Variants in PPEF2 observed in about 807,000 individuals in gnomAD.
The protein encoded by PPEF2 is serine/threonine-protein phosphatase with EF-hands 2.
In PPEF2, 84 loss-of-function variants were observed where a neutral mutation model predicts 84.7. That is an observed-to-expected ratio of 0.99 (90% confidence interval 0.83 to 1.19). The LOEUF (loss-of-function observed/expected upper bound fraction) is 1.19, where lower values mean the gene tolerates loss of function less well. Among genes scored for constraint, PPEF2 ranks in the 50% most tolerant of loss-of-function variants. The pLI, the probability that PPEF2 is intolerant of heterozygous loss-of-function variation, is 0.00. For missense variants in PPEF2, 924 were observed against 937.5 expected (o/e 0.99, Z 0.19); for synonymous variants, 346 against 345.2 (o/e 1.00, Z -0.03).
At chr4:75,872,246 A>C in intron 12 of PPEF2, 79 bp from the exon 13 acceptor site, 2 of 1,357,128 alleles carry the variant, frequency 1.5e-6, no homozygotes, top group Non-Finnish European at 2.0e-6. Context: ...GGCCCAACTC[A>C]ACTGCAGAAG....
intron 13 of PPEF2, among the ~76,000 whole-genome samples, chr4:75,870,771 CAA>C (rs1190062669): frequency 1.3e-5 from 2 of 152,108 alleles, no homozygotes; most frequent in Non-Finnish European, 2.9e-5. Context: ...AAATTAATAA[CAA>C]TATCTGTTGC....
rs530171165 is a variant in PPEF2 at position 75,868,184 on chromosome 4, C to T, written c.1650-765G>A. Among the ~76,000 whole-genome samples the T allele has an allele frequency of 3.3e-3, 501 of 150,504 alleles. 2 individuals carry two copies. Among genetic ancestry groups the T allele is most frequent in the Non-Finnish European group, 5.3e-3 (360 of 67,678 alleles). ...AAAAAAAATTAGCCAGGCGTGGTGG[C>T]GTGTCCCTGTAGTCCCAGATGCTTG... On this transcript the variant is annotated intron_variant, in intron 13 of 16. Coordinates refer to ENST00000286719, the MANE Select transcript of PPEF2 (RefSeq NM_006239.3).
At chr4:75,881,524 C>G (rs897879413) in intron 10 of PPEF2, 1 of 152,224 alleles carries the variant, frequency 6.6e-6, no homozygotes, top group Non-Finnish European at 1.5e-5. Flanking sequence ...GAGCCGTGAT[C>G]GTGGTACCAC....
chr4:75,898,358 A>G (rs149126319), intron 1 of PPEF2, among the ~76,000 whole-genome samples: 64 of 152,256 alleles, frequency 4.2e-4, no homozygotes, highest in African/African-American at 1.5e-3. Flanking sequence ...CCTTTCTTCA[A>G]ACTCTGTGCT....
intron 13 of PPEF2, 117 bp from the exon 14 acceptor site, chr4:75,867,536 T>G: frequency 4.0e-6 from 3 of 746,590 alleles, no homozygotes; most frequent in Non-Finnish European, 6.6e-6. Flanking sequence ...AGAGCTCAGT[T>G]TTCGAGGGAG....
At chr4:75,866,455 T>A in intron 14 of PPEF2, 103 bp from the exon 15 acceptor site, 1 of 1,369,906 alleles carries the variant, frequency 7.3e-7, no homozygotes, top group Non-Finnish European at 1.0e-6. Flanking sequence ...TATCTGCAGG[T>A]AATAGAAATA....
At chr4:75,885,073 T>C (rs1578011197) in intron 7 of PPEF2, among the ~76,000 whole-genome samples, 1 of 152,208 alleles carries the variant, frequency 6.6e-6, no homozygotes, top group Non-Finnish European at 1.5e-5. Flanking sequence ...TATCTTTAAC[T>C]AGAAATAATA....
intron 7 of PPEF2, among the ~76,000 whole-genome samples, chr4:75,885,876 G>T (rs1239705769): frequency 6.6e-6 from 1 of 152,088 alleles, no homozygotes; most frequent in African/African-American, 2.4e-5. Context: ...GGGCGTGGTG[G>T]TGCACGCCTG....
chr4:75,874,121 A>G (rs1354555559), intron 11 of PPEF2, among the ~76,000 whole-genome samples: 1 of 99,688 alleles, frequency 1.0e-5, no homozygotes, highest in East Asian at 3.3e-4. Context: ...CAAACAAACA[A>G]ACAAACAAAT....
intron 15 of PPEF2, among the ~76,000 whole-genome samples, 164 bp from the exon 16 acceptor site, chr4:75,864,691 A>G (rs1240479789): frequency 6.6e-6 from 1 of 152,088 alleles, no homozygotes; most frequent in African/African-American, 2.4e-5. Context: ...CAAATAATCT[A>G]GTGGTTTAAG....
intron 16 of PPEF2, among the ~76,000 whole-genome samples, chr4:75,862,466 A>G (rs945670962): frequency 1.0e-3 from 152 of 152,196 alleles, no homozygotes; most frequent in African/African-American, 3.6e-3. Context: ...AAAGACAAAT[A>G]GCCCAATTTA....
At chr4:75,882,084 A>G (rs1324044833) in intron 10 of PPEF2, 2 of 152,170 alleles carry the variant, frequency 1.3e-5, no homozygotes, top group Admixed American at 6.6e-5. Context: ...ATAGAAATCT[A>G]TTGTTATTGG....
rs758282165 is a variant in PPEF2 at position 75,882,947 on chromosome 4, CA to C, written c.911del (p.Leu304TrpfsTer4). 1.9e-6 allele frequency: 3 copies of C among 1,612,918 alleles called. No homozygotes were observed. Among genetic ancestry groups the C allele is most frequent in the Non-Finnish European group, 2.5e-6 (3 of 1,179,622 alleles). On this transcript the variant is annotated frameshift_variant, in exon 10 of 17. Coordinates refer to ENST00000286719, the MANE Select transcript of PPEF2 (RefSeq NM_006239.3). LOFTEE classifies it high-confidence loss of function. ...CTACCTTGCTCCTCTCTATTTTGTCCAAAAGCTCCAGATCAGTTATGTCTGA... is the reference window on the plus strand; with the variant it reads ...CTACCTTGCTCCTCTCTATTTTGTCCAAAGCTCCAGATCAGTTATGTCTGA... ...GVSDITDLEL[L>X]DKIERSKIVS...
chr4:75,883,315 A>G, intron 8 of PPEF2, 113 bp from the exon 9 acceptor site: 1 of 945,066 alleles, frequency 1.1e-6, no homozygotes, highest in Non-Finnish European at 1.7e-6. Flanking sequence ...AATACATAGA[A>G]AAGAGACTGA....
chr4:75,893,056 A>G (rs1253638174), intron 2 of PPEF2, among the ~76,000 whole-genome samples: 3 of 152,250 alleles, frequency 2.0e-5, no homozygotes. Flanking sequence ...GTGACATGGG[A>G]AAAGAGAAGC....
rs750694596 is a variant in PPEF2, at chr4:75,876,453, T to G, written c.1154A>C (p.Glu385Ala). The change falls in exon 11 of 17, where the codon GAG (glutamate) becomes GCG (alanine). Residue 385 changes from glutamate to alanine, a missense_variant. Glu to Ala is a moderately radical substitution (Grantham distance 107). Coordinates refer to ENST00000286719, the MANE Select transcript of PPEF2 (RefSeq NM_006239.3). ...GGAGCTCCGCACCTGCCGGGAGAGCTCCCGCCCGTCCAGGGAACCGCTGCA... is the reference window on the plus strand; with the variant it reads ...GGAGCTCCGCACCTGCCGGGAGAGCGCCCGCCCGTCCAGGGAACCGCTGCA... ...IPCSGSLDGR[E>A]LSRQVRSSVE... 1 of 1,613,962 alleles carries G rather than the reference T, an allele frequency of 6.2e-7. No individual in the cohort carries two copies. The highest frequency in any genetic ancestry group is 8.5e-7 in the Non-Finnish European group (1 of 1,179,942).
intron 11 of PPEF2, among the ~76,000 whole-genome samples, chr4:75,874,902 CTTT>C (rs547098807): frequency 8.0e-5 from 11 of 138,072 alleles, no homozygotes; most frequent in Admixed American, 7.2e-5. Context: ...TTCTTTCTTT[CTTT>C]TTTTTTTTTT....
rs571158614 is a variant in PPEF2 at position 75,897,946 on chromosome 4, C to A, written c.-58-1563G>T. On this transcript the variant is annotated intron_variant, in intron 1 of 16. Coordinates refer to ENST00000286719, the MANE Select transcript of PPEF2 (RefSeq NM_006239.3). ...CTCACAGCCTTCAGAGCTGAGAGCC[C>A]TGAACAGAGATTTACCCACGTATTT... Among the ~76,000 whole-genome samples the A allele has an allele frequency of 1.8e-4, 28 of 152,272 alleles. No individual in the cohort carries two copies. In the South Asian group the frequency reaches 4.8e-3, roughly 26 times the overall value.
rs147563091 is a variant in PPEF2 at position 75,873,934 on chromosome 4, C to T, written c.1321-622G>A. Among the ~76,000 whole-genome samples, 662 of 151,620 alleles carry T rather than the reference C, an allele frequency of 4.4e-3. 3 individuals are homozygous for T. Among genetic ancestry groups the T allele is most frequent in the Non-Finnish European group, 7.4e-3 (502 of 67,924 alleles). ...CCAGCCTGGTCAACATGTGAAATCC[C>T]GTCTTTACTAAAAATACAAAAAAAT... is the stretch of plus-strand genomic sequence containing the variant. On this transcript the variant is annotated intron_variant, in intron 11 of 16. Coordinates refer to ENST00000286719, the MANE Select transcript of PPEF2 (RefSeq NM_006239.3).
Sources: allele counts gnomAD v4.1 joint callset (sites outside exome capture counted in the v4.1 genomes callset), GRCh38; gene constraint gnomAD v4.1.1; transcripts MANE v1.5; gene names NCBI Gene and HGNC (gene_info 2026-07-23, HGNC 2026-07-21).